The following GAN variants were observed in gnomAD, a reference collection of about 807,000 sequenced individuals.
The protein encoded by GAN is epididymis secretory sperm binding protein.
GAN carries 48 observed loss-of-function variants against 71.3 expected under a neutral mutation model. That is an observed-to-expected ratio of 0.67 (90% CI 0.53 to 0.86). The LOEUF (loss-of-function observed/expected upper bound fraction) is 0.86, where lower values mean the gene tolerates loss of function less well. GAN is among the 40% of genes least tolerant of loss of function. GAN has a pLI of 0.00. For synonymous variants in GAN, 386 were observed against 276.8 expected (o/e 1.39, Z -3.92); for missense variants, 928 against 770.1 (o/e 1.21, Z -2.43).
At position 81,354,632 on chromosome 16, in the gene GAN, C is replaced by T. The variant is rs1401068154; in HGVS notation, c.510C>T (p.Phe170=). ...GAGACGTCAGCAGCACGGAAGAATT[C>T]TTAGAGCTGAGTCCTCAAAAGCTTA... ...HFRDVSSTEE[F]LELSPQKLKE... is the part of the protein sequence containing the mutation. Residue 170 remains phenylalanine (F), a synonymous_variant, in exon 3 of 11, where the codon TTC becomes TTT. Coordinates refer to ENST00000648994, the MANE Select transcript of GAN (RefSeq NM_022041.4). 2 of 1,613,712 alleles carry T rather than the reference C, an allele frequency of 1.2e-6. No homozygotes were observed. Among genetic ancestry groups the T allele is most frequent in the South Asian group, 2.2e-5 (2 of 91,078 alleles).
chr16:81,379,438 C>T lies in GAN; in HGVS notation c.*1842C>T, dbSNP rs1471016238. On this transcript the variant is annotated 3_prime_UTR_variant, in exon 11 of 11. Transcript: ENST00000648994. ...GAGGCACCAGGCCAGATGTGCCGCA[C>T]AGTCATGTAATTCAATCATGTTTAA... The T allele has an allele frequency of 6.6e-6, 1 of 152,172 alleles. No individual in the cohort carries two copies. Among genetic ancestry groups the T allele is most frequent in the Non-Finnish European group, 1.5e-5 (1 of 68,030 alleles). 9.4% of individuals were successfully genotyped at this position (152,172 alleles called of 1,614,324 possible).
Position 81,356,781 on chromosome 16 carries a change from G to T in GAN, c.634-4G>T. On this transcript the variant is annotated splice_polypyrimidine_tract_variant and splice_region_variant and intron_variant, in intron 3 of 10. Transcript: ENST00000648994. ...TCGCCCCATCTTTCTTCCCTCTTCT[G>T]CAGGTCCACATGAAGGATGTTATGT... 1 of 1,596,986 alleles carries T rather than the reference G, an allele frequency of 6.3e-7. No individual in the cohort carries two copies. The highest frequency in any genetic ancestry group is 8.6e-7 in the Non-Finnish European group (1 of 1,164,360).
At chr16:81,324,777 T>C (rs1333587226) in intron 1 of GAN, among the ~76,000 whole-genome samples, 3 of 152,130 alleles carry the variant, frequency 2.0e-5, no homozygotes, top group Non-Finnish European at 4.4e-5. Context: ...TGGGCAGTGG[T>C]GTATTTTAAA....
intron 1 of GAN, among the ~76,000 whole-genome samples, chr16:81,340,044 C>G (rs149988333): frequency 1.3e-5 from 2 of 152,250 alleles, no homozygotes; most frequent in East Asian, 3.9e-4. Context: ...ATTCCTTCCT[C>G]TTAGCCATTG....
chr16:81,331,571 C>T (rs1043448167), intron 1 of GAN, among the ~76,000 whole-genome samples: 3 of 152,084 alleles, frequency 2.0e-5, no homozygotes, highest in Non-Finnish European at 2.9e-5. Flanking sequence ...TCCTAAGGAG[C>T]GGCTCCATTT....
chr16:81,347,569 G>T (rs543236035), intron 1 of GAN, among the ~76,000 whole-genome samples: 1 of 151,968 alleles, frequency 6.6e-6, no homozygotes. Flanking sequence ...ACACCATCCC[G>T]AGAAAGGTTG....
intron 2 of GAN, 35 bp from the exon 3 acceptor site, chr16:81,354,370 C>T (rs762920457): frequency 6.7e-6 from 9 of 1,338,654 alleles, no homozygotes; most frequent in Middle Eastern, 1.8e-4. Flanking sequence ...TAAATGTACA[C>T]ATTCAAATAT....
intron 9 of GAN, among the ~76,000 whole-genome samples, chr16:81,366,688 C>T (rs1057095921): frequency 6.6e-6 from 1 of 152,026 alleles, no homozygotes; most frequent in South Asian, 2.1e-4. Flanking sequence ...CAGGAATAGA[C>T]TATCTTAGGA....
At chr16:81,352,004 G>C (rs1411781805) in intron 2 of GAN, among the ~76,000 whole-genome samples, 2 of 152,040 alleles carry the variant, frequency 1.3e-5, no homozygotes, top group Non-Finnish European at 2.9e-5. Context: ...CTGTGTTTTT[G>C]GTTTTTGCTT....
Position 81,357,820 on chromosome 16 carries a change from C to G in GAN, c.862C>G (p.Pro288Ala), listed in dbSNP as rs1249160013. The G allele has an allele frequency of 9.9e-6, 16 of 1,613,294 alleles. No individual in the cohort carries two copies. Among genetic ancestry groups the G allele is most frequent in the Non-Finnish European group, 1.4e-5 (16 of 1,179,366 alleles). ...VGGEERVSRKPTAAMRCMCPL... is the reference protein window; with the variant it reads ...VGGEERVSRKATAAMRCMCPL... ...TATTTACTTCCTTAGTTCACGGAAA[C>G]CCACAGCAGCGATGCGATGCATGTG... The change falls in exon 5 of 11, where the codon CCC (proline) becomes GCC (alanine). Residue 288 changes from proline (P) to alanine (A), a missense_variant. By Grantham distance (27) the Pro-to-Ala change is conservative (BLOSUM62 -1). Coordinates refer to ENST00000648994, the MANE Select transcript of GAN (RefSeq NM_022041.4).
At chr16:81,324,558 C>G (rs772543542) in intron 1 of GAN, among the ~76,000 whole-genome samples, 12 of 152,024 alleles carry the variant, frequency 7.9e-5, no homozygotes, top group Non-Finnish European at 1.5e-4. Flanking sequence ...GGGATGGCAT[C>G]GACAACAGAT....
intron 9 of GAN, 100 bp from the exon 10 acceptor site, chr16:81,377,119 G>C: frequency 1.2e-6 from 1 of 809,168 alleles, no homozygotes; most frequent in Non-Finnish European, 2.2e-6. Context: ...CACAGTGCCT[G>C]ATACTGCTGA....
intron 1 of GAN, among the ~76,000 whole-genome samples, chr16:81,326,334 G>A (rs1023510726): frequency 3.4e-5 from 5 of 147,946 alleles, no homozygotes; most frequent in South Asian, 2.1e-4. Context: ...CCTGACCAAC[G>A]TGGAGAAACA....
intron 3 of GAN, among the ~76,000 whole-genome samples, chr16:81,356,202 A>G (rs1018541162): frequency 1.3e-5 from 2 of 151,950 alleles, no homozygotes; most frequent in African/African-American, 4.8e-5. Context: ...TTTATAAAAT[A>G]CTTTCGTCAG....
chr16:81,340,083 C>T (rs995771509), intron 1 of GAN, among the ~76,000 whole-genome samples: 28 of 152,212 alleles, frequency 1.8e-4, no homozygotes, highest in African/African-American at 6.0e-4. Context: ...CTGAGAAAAA[C>T]CTGTATTCTT....
chr16:81,346,242 G>T (rs1426546996), intron 1 of GAN, among the ~76,000 whole-genome samples: 1 of 152,172 alleles, frequency 6.6e-6, no homozygotes, highest in African/African-American at 2.4e-5. Context: ...CCAGTAAGAA[G>T]TAAAGAAAAC....
chr16:81,352,829 C>T (rs1189331894), intron 2 of GAN, among the ~76,000 whole-genome samples: 1 of 152,122 alleles, frequency 6.6e-6, no homozygotes, highest in Non-Finnish European at 1.5e-5. Context: ...CATCACATAA[C>T]CAGGGCTAAG....
chr16:81,349,897 GAGTTATAATTCAT>G (rs1910242280), intron 1 of GAN, among the ~76,000 whole-genome samples: 1 of 152,094 alleles, frequency 6.6e-6, no homozygotes, highest in African/African-American at 2.4e-5. Context: ...AGATTTAACA[GAGTTATAATTCAT>G]ACCAAGAGCA....
intron 9 of GAN, 90 bp downstream of exon 9, chr16:81,365,568 C>G (rs1375230519): frequency 7.7e-7 from 1 of 1,299,484 alleles, no homozygotes; most frequent in Non-Finnish European, 1.1e-6. Context: ...TTTTCAGTCA[C>G]TTTATTAAAT....
Sources: gnomAD v4.1 joint callset for allele counts (sites outside exome capture counted in the v4.1 genomes callset) on GRCh38, gnomAD v4.1.1 for gene constraint, MANE v1.5 for transcripts, NCBI Gene and HGNC (gene_info 2026-07-23, HGNC 2026-07-21) for gene names.